Variants in DIDO1 observed in about 807,000 individuals in gnomAD.
DIDO1 encodes the protein death-inducer obliterator 1.
Under a neutral mutation model 99.4 loss-of-function variants are expected in DIDO1, and 16 were observed. The observed-to-expected ratio is 0.16, with a 90% CI of 0.11 to 0.24. The LOEUF is 0.24. Among genes scored for constraint, DIDO1 ranks in the 10% least tolerant of loss-of-function variants. DIDO1 has a pLI of 1.00. For synonymous variants in DIDO1, 1,366 were observed against 1,239.1 expected, an observed-to-expected ratio of 1.10 and a Z score of -2.15; for missense variants, 2,996 against 3,014.0, an observed-to-expected ratio of 0.99 and a Z score of 0.14.
At chr20:62,892,564 G>C (rs969659683) in intron 13 of DIDO1, among the ~76,000 whole-genome samples, 11 of 152,200 alleles carry the variant, frequency 7.2e-5, no homozygotes, top group African/African-American at 2.7e-4. Flanking sequence ...ACCGATCACT[G>C]AGAGGCCAGA....
At chr20:62,928,683 T>G (rs566042378), upstream of DIDO1, 1 of 152,238 alleles carries the variant, frequency 6.6e-6, no homozygotes, top group African/African-American at 2.4e-5. Flanking sequence ...AACTCTTCAG[T>G]TGTTTCAATA....
intron 1 of DIDO1, among the ~76,000 whole-genome samples, chr20:62,925,451 T>C (rs1039676217): frequency 6.6e-6 from 1 of 152,194 alleles, no homozygotes; most frequent in African/African-American, 2.4e-5. Flanking sequence ...GACGTTCCCA[T>C]CTGCCTTTCC....
rs1359558904 is a variant in DIDO1, at chr20:62,881,104, G to A, written c.4852C>T (p.Pro1618Ser). ...GGGGGCTTTTCGCCCGAAGCCCAGG[G>A]GGAAGAGGCTGGCTCTTTTTCCTCC... ...VPEEKEPASSPWASGEKPPAG... is the reference protein window; with the variant it reads ...VPEEKEPASSSWASGEKPPAG... Residue 1618 changes from proline to serine, a missense_variant, in exon 16 of 16, where the codon CCC (proline) becomes TCC (serine). By Grantham distance (74) the Pro-to-Ser change is moderately conservative. Around this residue, in one of 5 missense-constraint regions of DIDO1, gnomAD observed 1,562 missense variants for 1,412.6 expected, o/e 1.11. Coordinates refer to ENST00000395343, the MANE Select transcript of DIDO1 (RefSeq NM_001193369.2). This position sits in a 1 kb window ranked among gnomAD's most constrained non-coding sequence, Gnocchi z 8.3. 1.2e-6 allele frequency: 2 copies of A among 1,609,416 alleles called. No homozygotes were observed. Among genetic ancestry groups the A allele is most frequent in the South Asian group, 1.1e-5 (1 of 90,946 alleles).
Position 62,892,092 on chromosome 20 carries a change from T to C in DIDO1, c.3256-16A>G. Reference sequence around the variant, plus strand: ...CAGGCAAATCCTAAACAGAAAGTACTTTGCGTAAATCACTTTGAACTGTAG... The same window carrying C: ...CAGGCAAATCCTAAACAGAAAGTACCTTGCGTAAATCACTTTGAACTGTAG... On this transcript the variant is annotated splice_polypyrimidine_tract_variant and intron_variant, in intron 13 of 15. Transcript: ENST00000395343. The C allele has an allele frequency of 6.2e-7, 1 of 1,606,732 alleles. No homozygotes were observed. The highest frequency in any genetic ancestry group is 8.5e-7 in the Non-Finnish European group (1 of 1,177,358).
chr20:62,922,798 C>T (rs2065180528), intron 1 of DIDO1, among the ~76,000 whole-genome samples: 1 of 152,186 alleles, frequency 6.6e-6, no homozygotes, highest in Non-Finnish European at 1.5e-5. Context: ...GCCAACAGCC[C>T]TTTATGGGCT....
In DIDO1 at chr20:62,881,021, G is replaced by A; in HGVS notation, c.4935C>T (p.Ala1645=). Residue 1645 remains alanine (A), a synonymous_variant, in exon 16 of 16, where the codon GCC becomes GCT. Transcript: ENST00000395343. This position sits in a 1 kb window ranked among gnomAD's most constrained non-coding sequence, Gnocchi z 8.3. ...KAEPGEGTRP[A]TVGDSSARPA... is the part of the protein sequence containing the mutation. ...GCCTGGCCGAGCTGTCTCCAACCGTGGCGGGGCGGGTGCCCTCCCCAGGCT... is the reference window on the plus strand; with the variant it reads ...GCCTGGCCGAGCTGTCTCCAACCGTAGCGGGGCGGGTGCCCTCCCCAGGCT... The A allele has an allele frequency of 6.2e-7, 1 of 1,604,388 alleles. No homozygotes were observed. The highest frequency in any genetic ancestry group is 2.2e-5 in the East Asian group (1 of 44,762).
chr20:62,897,549 AG>A (rs1221203033), intron 6 of DIDO1, among the ~76,000 whole-genome samples: 8 of 152,340 alleles, frequency 5.3e-5, no homozygotes, highest in African/African-American at 1.9e-4. Flanking sequence ...CCTGAACCAC[AG>A]GAAGAGCAGC....
At chr20:62,907,054 C>T (rs2064822615) in intron 5 of DIDO1, 93 bp downstream of exon 5, 7 of 1,343,512 alleles carry the variant, frequency 5.2e-6, no homozygotes, top group Non-Finnish European at 7.4e-6. Context: ...CTACACCTGC[C>T]ACCCCCACAC....
At position 62,896,221 on chromosome 20, in the gene DIDO1, C is replaced by T. The variant is rs1272866083; in HGVS notation, c.2214+12G>A. On this transcript the variant is annotated intron_variant, in intron 8 of 15. Coordinates refer to ENST00000395343, the MANE Select transcript of DIDO1 (RefSeq NM_001193369.2). This position sits in a 1 kb window ranked among gnomAD's most constrained non-coding sequence, Gnocchi z 4.4. ...ACAGGAATACTCCAATGCACCGACA[C>T]CAGGCACACACCTGATTTTTAGGGT... The T allele has an allele frequency of 6.2e-7, 1 of 1,611,138 alleles. No individual in the cohort carries two copies. The highest frequency in any genetic ancestry group is 1.3e-5 in the African/African-American group (1 of 74,590).
rs765431812 is a variant in DIDO1, at chr20:62,892,681, G to A, written c.3255+128C>T. 3.2e-6 allele frequency: 4 copies of A among 1,266,546 alleles called. No individual in the cohort carries two copies. In the African/African-American group the frequency reaches 6.1e-5, roughly 19 times the overall value. The allele number at this position is 1,266,546 out of a possible 1,614,324, so 78.5% of individuals were successfully genotyped here. ...CGTTTCTGCATCCAGACAGACGGTTGCAAGAGTGTCAGGCATTTCTGTTTC... is the reference window on the plus strand; with the variant it reads ...CGTTTCTGCATCCAGACAGACGGTTACAAGAGTGTCAGGCATTTCTGTTTC... On this transcript the variant is annotated intron_variant, in intron 13 of 15. Transcript: ENST00000395343.
chr20:62,879,332 GC>G lies in DIDO1; in HGVS notation c.6623del (p.Gly2208AlafsTer66). ...DRDKARDRER[G>X]RDRKDRSKSK... ...TCTTGCTCCGGTCCTTGCGGTCGCG[GC>G]CCCGCTCCCTGTCCCTGGCCTTGTC... On this transcript the variant is annotated frameshift_variant, in exon 16 of 16. Transcript: ENST00000395343. LOFTEE classifies it low-confidence loss of function (END_TRUNC). This position sits in a 1 kb window ranked among gnomAD's most constrained non-coding sequence, Gnocchi z 6.3. 1 of 1,558,542 alleles carries G rather than the reference GC, an allele frequency of 6.4e-7. No individual in the cohort carries two copies. The highest frequency in any genetic ancestry group is 8.7e-7 in the Non-Finnish European group (1 of 1,153,764).
chr20:62,934,122 GA>G (rs1177162914), intron 1 of DIDO1, among the ~76,000 whole-genome samples: 8 of 152,140 alleles, frequency 5.3e-5, no homozygotes, highest in African/African-American at 1.7e-4. Context: ...CACTGTCCCA[GA>G]TGCCAACCCG....
intron 3 of DIDO1, 114 bp from the exon 4 acceptor site, chr20:62,910,134 G>T: frequency 8.6e-7 from 1 of 1,157,784 alleles, no homozygotes; most frequent in Non-Finnish European, 1.2e-6. Flanking sequence ...ATACAGAAAA[G>T]TAGAGATTAA....
rs1337896620 is a variant in DIDO1, at chr20:62,894,723, G to A, written c.2436+87C>T. ...TGACATACACCTGCTGTAAGCTCAGGTCCTGCCCAATAATTTAAGATAACC... is the reference window on the plus strand; with the variant it reads ...TGACATACACCTGCTGTAAGCTCAGATCCTGCCCAATAATTTAAGATAACC... On this transcript the variant is annotated intron_variant, in intron 10 of 15. Transcript: ENST00000395343. The surrounding 1 kb of genome is among the most constrained non-coding windows in gnomAD (Gnocchi z 4.4). 1 of 1,352,748 alleles carries A rather than the reference G, an allele frequency of 7.4e-7. No homozygotes were observed. The highest frequency in any genetic ancestry group is 2.5e-5 in the East Asian group (1 of 40,582). The allele number at this position is 1,352,748 out of a possible 1,614,324, so 83.8% of individuals were successfully genotyped here.
chr20:62,883,312 A>G (rs2064243932), intron 15 of DIDO1, among the ~76,000 whole-genome samples: 1 of 152,258 alleles, frequency 6.6e-6, no homozygotes, highest in South Asian at 2.1e-4. Context: ...AATAATCAAT[A>G]AAGCACAAGC....
At chr20:62,914,011 T>C (rs2064995415) in intron 2 of DIDO1, among the ~76,000 whole-genome samples, 199 bp downstream of exon 2, 1 of 152,248 alleles carries the variant, frequency 6.6e-6, no homozygotes, top group Non-Finnish European at 1.5e-5. Context: ...CCCAAATATT[T>C]CCAATCTGCA....
chr20:62,902,032 G>C (rs941351309), intron 6 of DIDO1, among the ~76,000 whole-genome samples: 3 of 151,914 alleles, frequency 2.0e-5, no homozygotes, highest in Non-Finnish European at 4.4e-5. Flanking sequence ...CACTGAAGAG[G>C]TGGTGAATTC....
chr20:62,904,219 C>CTG (rs1217574974), intron 6 of DIDO1, among the ~76,000 whole-genome samples: 2 of 151,666 alleles, frequency 1.3e-5, no homozygotes, highest in Non-Finnish European at 2.9e-5. Flanking sequence ...AAAAATCCCT[C>CTG]TCTGCATTCA....
At chr20:62,890,732 C>G (rs766616695) in intron 15 of DIDO1, 191 of 1,392,172 alleles carry the variant, frequency 1.4e-4, no homozygotes, top group Non-Finnish European at 1.7e-4. Flanking sequence ...GGGTTTTTCC[C>G]TCTCTAAAAA....
Sources: allele counts gnomAD v4.1 joint callset (sites outside exome capture counted in the v4.1 genomes callset), GRCh38; gene constraint gnomAD v4.1.1; regional missense constraint gnomAD v4.1.1; non-coding constraint Gnocchi (gnomAD v3.1); transcripts MANE v1.5; gene names NCBI Gene and HGNC (gene_info 2026-07-23, HGNC 2026-07-21).